Variants in CNTN5 observed in about 807,000 individuals in gnomAD.
CNTN5 encodes the protein contactin-5.
Under a neutral mutation model 129.1 loss-of-function variants are expected in CNTN5, and 77 were observed. The observed-to-expected ratio is 0.60, with a 90% confidence interval of 0.50 to 0.72. The LOEUF is 0.72. Among genes scored for constraint, CNTN5 ranks in the 30% least tolerant of loss-of-function variants. The pLI is 0.00. For missense variants in CNTN5, 1,478 were observed against 1,328.8 expected (o/e 1.11, Z -1.75); for synonymous variants, 509 against 465.6 (o/e 1.09, Z -1.20).
intron 1 of CNTN5, among the ~76,000 whole-genome samples, chr11:99,134,855 C>T (rs1859138520): frequency 6.6e-6 from 1 of 152,152 alleles, no homozygotes; most frequent in Admixed American, 6.5e-5. Flanking sequence ...ATGCAATGTA[C>T]TAGGTAACAA....
chr11:99,744,379 A>G (rs1450101172), intron 3 of CNTN5, among the ~76,000 whole-genome samples: 3 of 151,844 alleles, frequency 2.0e-5, no homozygotes, highest in Non-Finnish European at 2.9e-5. Context: ...TTAAGGACGT[A>G]AGACACCTAG....
At chr11:99,549,339 T>C (rs780527180) in intron 2 of CNTN5, among the ~76,000 whole-genome samples, 66 of 152,166 alleles carry the variant, frequency 4.3e-4, no homozygotes, top group Non-Finnish European at 8.2e-4. Flanking sequence ...AGTATCTCTC[T>C]AGAGAGATAT....
At chr11:99,273,270 A>G (rs1333885944) in intron 1 of CNTN5, among the ~76,000 whole-genome samples, 1 of 151,838 alleles carries the variant, frequency 6.6e-6, no homozygotes, top group African/African-American at 2.4e-5. Context: ...ATTCATGTAC[A>G]TTAACGTCAA....
At chr11:99,720,062 C>G (rs1223732821) in intron 3 of CNTN5, among the ~76,000 whole-genome samples, 6 of 152,046 alleles carry the variant, frequency 3.9e-5, no homozygotes, top group African/African-American at 1.4e-4. Flanking sequence ...AAAAAAAACC[C>G]TGGGACCTGA....
At chr11:99,656,985 A>G (rs1952394335) in intron 3 of CNTN5, among the ~76,000 whole-genome samples, 1 of 152,004 alleles carries the variant, frequency 6.6e-6, no homozygotes, top group South Asian at 2.1e-4. Context: ...AAGTTTGTGG[A>G]CCAAAAAGTA....
intron 13 of CNTN5, among the ~76,000 whole-genome samples, chr11:100,187,722 C>A (rs554498865): frequency 1.3e-5 from 2 of 152,204 alleles, no homozygotes; most frequent in South Asian, 4.1e-4. Context: ...GTGTTGGGAT[C>A]GCTGACAAGT....
intron 1 of CNTN5, among the ~76,000 whole-genome samples, chr11:99,310,501 A>G (rs1185440138): frequency 6.6e-6 from 1 of 152,186 alleles, no homozygotes; most frequent in Non-Finnish European, 1.5e-5. Context: ...AATACAATTT[A>G]CCTTTTTGCC....
chr11:99,268,908 A>C (rs190087819), intron 1 of CNTN5, among the ~76,000 whole-genome samples: 33 of 152,110 alleles, frequency 2.2e-4, no homozygotes, highest in Non-Finnish European at 4.0e-4. Flanking sequence ...AAAGGATAGT[A>C]ATCTCCAATG....
At chr11:99,375,445 A>C (rs1470581324) in intron 2 of CNTN5, among the ~76,000 whole-genome samples, 1 of 152,064 alleles carries the variant, frequency 6.6e-6, no homozygotes, top group African/African-American at 2.4e-5. Flanking sequence ...ATAACAAGTT[A>C]GAGAGTATAG....
At chr11:100,249,351 G>C (rs1565371092) in intron 16 of CNTN5, among the ~76,000 whole-genome samples, 1 of 152,132 alleles carries the variant, frequency 6.6e-6, no homozygotes, top group South Asian at 2.1e-4. Flanking sequence ...CCTTTATTGA[G>C]GCTAGATTGA....
chr11:99,333,050 C>A (rs949407659), intron 2 of CNTN5, among the ~76,000 whole-genome samples: 4 of 151,900 alleles, frequency 2.6e-5, no homozygotes, highest in Non-Finnish European at 4.4e-5. Context: ...AATAAATTGT[C>A]CAAAAAACTT....
intron 8 of CNTN5, among the ~76,000 whole-genome samples, chr11:99,962,966 G>C (rs1950990821): frequency 6.6e-6 from 1 of 151,892 alleles, no homozygotes; most frequent in South Asian, 2.1e-4. Flanking sequence ...CTTTTGAGAA[G>C]TGTCTGTTCA....
chr11:99,618,346 A>G (rs1406906765), intron 3 of CNTN5, among the ~76,000 whole-genome samples: 1 of 152,164 alleles, frequency 6.6e-6, no homozygotes, highest in Non-Finnish European at 1.5e-5. Context: ...GGGTGGAAGC[A>G]CTTTTATTGC....
intron 1 of CNTN5, among the ~76,000 whole-genome samples, chr11:99,284,600 GGTGTGT>G (rs71046675): frequency 0.11 from 13,785 of 124,456 alleles, 900 homozygotes; most frequent in Middle Eastern, 0.14. Context: ...AGAGATGAGT[GGTGTGT>G]GTGTGTGTGT....
chr11:99,725,476 G>GA (rs1172128833), intron 3 of CNTN5, among the ~76,000 whole-genome samples: 2 of 151,606 alleles, frequency 1.3e-5, no homozygotes, highest in African/African-American at 4.8e-5. Context: ...GCAAAGTTTT[G>GA]ATCCAATACA....
At chr11:100,331,430 A>T (rs1224679135) in intron 21 of CNTN5, among the ~76,000 whole-genome samples, 1 of 152,168 alleles carries the variant, frequency 6.6e-6, no homozygotes, top group Non-Finnish European at 1.5e-5. Flanking sequence ...GGTCATCAAG[A>T]CAGAAAGTCA....
intron 16 of CNTN5, among the ~76,000 whole-genome samples, chr11:100,255,188 G>A (rs117178859): frequency 1.8e-3 from 273 of 152,280 alleles, no homozygotes; most frequent in Non-Finnish European, 3.2e-3. Flanking sequence ...CTTTATGTAT[G>A]TCTCAGGTCT....
chr11:99,328,892 A>G (rs1385018164), intron 2 of CNTN5, among the ~76,000 whole-genome samples: 1 of 138,486 alleles, frequency 7.2e-6, no homozygotes, highest in African/African-American at 2.9e-5. Flanking sequence ...AAAAAAAGAA[A>G]AAAAACAGGA....
intron 3 of CNTN5, among the ~76,000 whole-genome samples, chr11:99,735,110 T>C (rs952955916): frequency 1.3e-5 from 2 of 152,228 alleles, no homozygotes; most frequent in African/African-American, 4.8e-5. Context: ...CTACATGTAT[T>C]ATTCGTACCT....
Sources: allele counts gnomAD v4.1 joint callset (sites outside exome capture counted in the v4.1 genomes callset), GRCh38; gene constraint gnomAD v4.1.1; transcripts MANE v1.5; gene names NCBI Gene and HGNC (gene_info 2026-07-23, HGNC 2026-07-21).